TRIM24: variants seen among roughly 807,000 people sequenced by gnomAD.
TRIM24 encodes the protein tripartite motif containing 24, also known as transcription intermediary factor 1-alpha.
In TRIM24, 29 loss-of-function variants were observed where a neutral mutation model predicts 123.9. The ratio of observed to expected loss-of-function variants is 0.23; its 90% confidence interval spans 0.17 to 0.32. The LOEUF (loss-of-function observed/expected upper bound fraction) is 0.32. TRIM24 is among the 10% of genes least tolerant of loss of function. The pLI is 1.00. For synonymous variants in TRIM24, 456 were observed against 461.1 expected, an observed-to-expected ratio of 0.99 and a Z score of 0.14; for missense variants, 932 against 1,295.3, an observed-to-expected ratio of 0.72 and a Z score of 4.31.
At chr7:138,543,616 T>A (rs116615858) in intron 7 of TRIM24, among the ~76,000 whole-genome samples, 3,041 of 152,260 alleles carry the variant, frequency 0.02, 103 homozygotes, top group African/African-American at 0.069. Flanking sequence ...TTTTAAAAAA[T>A]TTATTTATAT....
At chr7:138,534,846 T>A (rs1383434199) in intron 6 of TRIM24, among the ~76,000 whole-genome samples, 1 of 152,134 alleles carries the variant, frequency 6.6e-6, no homozygotes, top group Non-Finnish European at 1.5e-5. Context: ...TGTCTGGGAG[T>A]CTAAAGTCTC....
chr7:138,508,682 T>TGCGCGCGCGCGTGCGC (rs1200648763), intron 2 of TRIM24, among the ~76,000 whole-genome samples: 78 of 47,184 alleles, frequency 1.7e-3, no homozygotes, highest in African/African-American at 6.0e-3. Context: ...TGTGTGTGTG[T>TGCGCGCGCGCGTGCGC]GTGTGTGTGT....
chr7:138,525,618 A>G (rs1451681738), intron 5 of TRIM24, among the ~76,000 whole-genome samples: 1 of 152,180 alleles, frequency 6.6e-6, no homozygotes, highest in Non-Finnish European at 1.5e-5. Flanking sequence ...CTTATTTTCC[A>G]ATTTTAAAGA....
intron 7 of TRIM24, among the ~76,000 whole-genome samples, chr7:138,544,189 C>A (rs1404233849): frequency 6.6e-6 from 1 of 152,160 alleles, no homozygotes; most frequent in African/African-American, 2.4e-5. Context: ...ACATTTCCTA[C>A]CCACCTAGCC....
At chr7:138,564,186 G>A (rs545207364) in intron 9 of TRIM24, among the ~76,000 whole-genome samples, 45 of 152,226 alleles carry the variant, frequency 3.0e-4, no homozygotes, top group African/African-American at 8.4e-4. Flanking sequence ...ATGAAGTTCC[G>A]TTGCCCCCCT....
intron 6 of TRIM24, among the ~76,000 whole-genome samples, chr7:138,537,030 T>G (rs1796892469): frequency 6.6e-6 from 1 of 152,146 alleles, no homozygotes; most frequent in Non-Finnish European, 1.5e-5. Context: ...TGGGTTATAA[T>G]CTCCTGGTGT....
intron 2 of TRIM24, among the ~76,000 whole-genome samples, chr7:138,510,580 T>A (rs192790645): frequency 6.6e-6 from 1 of 152,198 alleles, no homozygotes; most frequent in Non-Finnish European, 1.5e-5. Flanking sequence ...TACTGCCACA[T>A]CTGGCTAATT....
intron 9 of TRIM24, among the ~76,000 whole-genome samples, chr7:138,557,894 C>T (rs895103361): frequency 6.6e-6 from 1 of 152,176 alleles, no homozygotes; most frequent in African/African-American, 2.4e-5. Flanking sequence ...GTACAGTATC[C>T]ATACATTCCA....
intron 1 of TRIM24, among the ~76,000 whole-genome samples, chr7:138,475,662 C>A (rs1017354473): frequency 4.6e-5 from 7 of 152,258 alleles, no homozygotes; most frequent in Non-Finnish European, 1.0e-4. Context: ...AGGAGCGATG[C>A]ACCATACCCA....
chr7:138,499,748 C>T (rs1268107778), intron 1 of TRIM24, among the ~76,000 whole-genome samples: 2 of 151,846 alleles, frequency 1.3e-5, no homozygotes, highest in African/African-American at 2.4e-5. Context: ...TTCAAGGCAA[C>T]CTGGAGCACT....
intron 2 of TRIM24, among the ~76,000 whole-genome samples, chr7:138,513,419 T>A (rs1051721425): frequency 1.3e-5 from 2 of 152,156 alleles, no homozygotes; most frequent in African/African-American, 4.8e-5. Context: ...TGAGACTGGG[T>A]AACTTATAAA....
At position 138,504,204 on chromosome 7, in the gene TRIM24, A is replaced by G; in HGVS notation, c.365-86A>G. On this transcript the variant is annotated intron_variant, in intron 1 of 18. Coordinates refer to ENST00000343526, the MANE Select transcript of TRIM24 (RefSeq NM_015905.3). Reference sequence around the variant, plus strand: ...AATTTAAAAAGAATGGACATTGAAAAAGAACAAAGTCACAGTTTGAGATGT... The same window carrying G: ...AATTTAAAAAGAATGGACATTGAAAGAGAACAAAGTCACAGTTTGAGATGT... 8.7e-6 allele frequency: 7 copies of G among 808,414 alleles called. No individual in the cohort carries two copies. The South Asian group carries it at 1.8e-4, about 20-fold the overall frequency. The allele number at this position is 808,414 out of a possible 1,614,324, so 50.1% of individuals were successfully genotyped here.
At chr7:138,514,910 G>A (rs28502705) in intron 2 of TRIM24, 3,679 of 236,144 alleles carry the variant, frequency 0.016, 105 homozygotes, top group African/African-American at 0.071. Context: ...TAAGGGCAGC[G>A]ACCATGTTTG....
intron 1 of TRIM24, among the ~76,000 whole-genome samples, chr7:138,488,526 CCAGA>C (rs1795702073): frequency 6.6e-6 from 1 of 152,098 alleles, no homozygotes; most frequent in Admixed American, 6.5e-5. Context: ...TAAATGTGTC[CCAGA>C]GATTCTGGTA....
In TRIM24 at chr7:138,589,336, C is replaced by T. The variant is rs1798067809; in HGVS notation, c.*4385C>T. ...TTTAATTTTTGGGGGCAGATTGGTGCTTTGGTTTTAATAAAAACTAACTTT... is the reference window on the plus strand; with the variant it reads ...TTTAATTTTTGGGGGCAGATTGGTGTTTTGGTTTTAATAAAAACTAACTTT... On this transcript the variant is annotated 3_prime_UTR_variant, in exon 19 of 19. Transcript: ENST00000343526. The T allele has an allele frequency of 6.6e-6, 1 of 152,054 alleles. No individual in the cohort carries two copies. The highest frequency in any genetic ancestry group is 2.1e-4 in the South Asian group (1 of 4,820). 9.4% of individuals were successfully genotyped at this position (152,054 alleles called of 1,614,324 possible).
intron 1 of TRIM24, among the ~76,000 whole-genome samples, chr7:138,501,915 C>CA (rs1383633557): frequency 6.7e-6 from 1 of 150,246 alleles, no homozygotes; most frequent in Non-Finnish European, 1.5e-5. Flanking sequence ...GCAACAACAA[C>CA]AAAAAACCGT....
intron 1 of TRIM24, among the ~76,000 whole-genome samples, chr7:138,468,159 TGAA>T (rs1446719660): frequency 1.3e-5 from 2 of 152,218 alleles, no homozygotes; most frequent in African/African-American, 4.8e-5. Flanking sequence ...ATTATCAAAA[TGAA>T]GAAGTTCCCT....
At chr7:138,466,261 C>G (rs1795134438) in intron 1 of TRIM24, among the ~76,000 whole-genome samples, 1 of 152,172 alleles carries the variant, frequency 6.6e-6, no homozygotes, top group South Asian at 2.1e-4. Flanking sequence ...TCCCGAAGTG[C>G]TGGGATTACA....
In TRIM24 at chr7:138,589,188, G is replaced by A. The variant is rs906382810; in HGVS notation, c.*4237G>A. The A allele has an allele frequency of 6.6e-6, 1 of 152,086 alleles. No homozygotes were observed. Among genetic ancestry groups the A allele is most frequent in the Non-Finnish European group, 1.5e-5 (1 of 68,020 alleles). The allele number at this position is 152,086 out of a possible 1,614,324, so 9.4% of individuals were successfully genotyped here. ...TATTCATCTTGAATGTGAATTTACT[G>A]TTGTAATTCACATACTGGTGTCATG... On this transcript the variant is annotated 3_prime_UTR_variant, in exon 19 of 19. Transcript: ENST00000343526.
Sources: allele counts gnomAD v4.1 joint callset (sites outside exome capture counted in the v4.1 genomes callset), GRCh38; gene constraint gnomAD v4.1.1; transcripts MANE v1.5; gene names NCBI Gene and HGNC (gene_info 2026-07-23, HGNC 2026-07-21).